Variants in TPCN1 observed in about 807,000 individuals in gnomAD.
The protein encoded by TPCN1 is two pore segment channel 1.
A neutral mutation model predicts 108.8 loss-of-function variants in TPCN1; 52 were observed. The observed-to-expected ratio is 0.48, with a 90% CI of 0.38 to 0.60. The LOEUF is 0.60. Among genes scored for constraint, TPCN1 ranks in the 20% least tolerant of loss-of-function variants. TPCN1 has a pLI of 0.00. For synonymous variants in TPCN1, 446 were observed against 433.7 expected (o/e 1.03, Z -0.35); for missense variants, 806 against 1,072.8 (o/e 0.75, Z 3.47).
intron 19 of TPCN1, chr12:113,287,334 C>T (rs1566199698): frequency 9.5e-6 from 5 of 525,556 alleles, no homozygotes; most frequent in South Asian, 7.8e-5. Flanking sequence ...GCCCATGACT[C>T]ATGTGCACCC....
chr12:113,293,415 T>A, intron 27 of TPCN1, 66 bp downstream of exon 27: 5 of 1,457,656 alleles, frequency 3.4e-6, no homozygotes, highest in Non-Finnish European at 3.8e-6. Flanking sequence ...GGCAGGGAGC[T>A]GCTCTCTGGC....
intron 2 of TPCN1, among the ~76,000 whole-genome samples, chr12:113,233,202 C>G (rs943054788): frequency 2.5e-4 from 38 of 152,372 alleles, no homozygotes; most frequent in Middle Eastern, 3.4e-3. Flanking sequence ...CTCTTCCCGT[C>G]CCCCTTTCCC....
At chr12:113,283,024 T>C (rs1955943276) in intron 15 of TPCN1, among the ~76,000 whole-genome samples, 1 of 150,996 alleles carries the variant, frequency 6.6e-6, no homozygotes, top group Admixed American at 6.6e-5. Flanking sequence ...TTGCAGTGAG[T>C]TGTGATGGTG....
intron 2 of TPCN1, among the ~76,000 whole-genome samples, chr12:113,237,229 G>T (rs867048234): frequency 2.6e-5 from 4 of 152,326 alleles, no homozygotes; most frequent in South Asian, 2.1e-4. Context: ...TGGATGGAGA[G>T]GAAACTGCCA....
Position 113,296,134 on chromosome 12 carries a change from G to A in TPCN1, c.*58G>A, listed in dbSNP as rs1258158032. The A allele has an allele frequency of 6.9e-6, 11 of 1,590,170 alleles. No homozygotes were observed. Among genetic ancestry groups the A allele is most frequent in the East Asian group, 2.3e-5 (1 of 44,358 alleles). On this transcript the variant is annotated 3_prime_UTR_variant, in exon 28 of 28. Coordinates refer to ENST00000335509, the MANE Select transcript of TPCN1 (RefSeq NM_017901.6). Reference sequence around the variant, plus strand: ...TAACACAATAGTATTACTCTACTGCGATGTACGGAACTGCGGTGTGTGTAC... The same window carrying A: ...TAACACAATAGTATTACTCTACTGCAATGTACGGAACTGCGGTGTGTGTAC...
chr12:113,262,318 AG>A (rs1432397148), intron 3 of TPCN1, among the ~76,000 whole-genome samples: 2 of 151,724 alleles, frequency 1.3e-5, no homozygotes, highest in Non-Finnish European at 2.9e-5. Flanking sequence ...ACTGAGGTGA[AG>A]GGATCGCCTG....
At position 113,268,434 on chromosome 12, in the gene TPCN1, C is replaced by T. The variant is rs181401220; in HGVS notation, c.529-308C>T. Among the ~76,000 whole-genome samples the T allele has an allele frequency of 1.3e-5, 2 of 152,306 alleles. No individual in the cohort carries two copies. Among genetic ancestry groups the T allele is most frequent in the East Asian group, 1.9e-4 (1 of 5,186 alleles). Reference sequence around the variant, plus strand: ...AGAGCTGAAGAGGAGCTGCAGGCCCCGGGATCCCTGATGTGAGTGGCGAGG... The same window carrying T: ...AGAGCTGAAGAGGAGCTGCAGGCCCTGGGATCCCTGATGTGAGTGGCGAGG... On this transcript the variant is annotated intron_variant, in intron 5 of 27. Transcript: ENST00000335509. This position sits in a 1 kb window ranked among gnomAD's most constrained non-coding sequence, Gnocchi z 7.3.
At chr12:113,274,297 A>G (rs1196377999) in intron 10 of TPCN1, among the ~76,000 whole-genome samples, 1 of 152,056 alleles carries the variant, frequency 6.6e-6, no homozygotes, top group Admixed American at 6.6e-5. Flanking sequence ...TACTTATGAA[A>G]ATTAGCTGGG....
intron 1 of TPCN1, among the ~76,000 whole-genome samples, chr12:113,226,121 A>G (rs1485242721): frequency 2.0e-5 from 3 of 148,396 alleles, no homozygotes; most frequent in South Asian, 2.1e-4. Context: ...AGGTCTTGCT[A>G]TATTGCCCAG....
intron 2 of TPCN1, chr12:113,244,147 C>T (rs115269641): frequency 0.013 from 3,233 of 253,980 alleles, 111 homozygotes; most frequent in African/African-American, 0.071. Flanking sequence ...TTCAGGTGGC[C>T]GGAAACAGAG....
In TPCN1 at chr12:113,260,396, C is replaced by T. The variant is rs202039431; in HGVS notation, c.141C>T (p.Ser47=). The change falls in exon 3 of 28, where the codon TCC becomes TCT. Residue 47 remains serine, a synonymous_variant. Transcript: ENST00000335509. ...KNGGSYAIHD[S]QAPSLSSGGE... is the part of the protein sequence containing the mutation. The stretch of plus-strand genomic sequence containing the variant: ...GCGGCAGCTATGCCATCCACGACTC[C>T]CAGGCCCCCAGTCTCAGCTCTGGGG... 4.6e-6 allele frequency: 7 copies of T among 1,512,522 alleles called. No individual in the cohort carries two copies. In the African/African-American group the frequency reaches 7.3e-5, roughly 16 times the overall value. 93.7% of individuals were successfully genotyped at this position (1,512,522 alleles called of 1,614,324 possible).
In TPCN1 at chr12:113,273,724, C is replaced by T; in HGVS notation, c.942+56C>T. On this transcript the variant is annotated intron_variant, in intron 10 of 27. Transcript: ENST00000335509. This position sits in a 1 kb window ranked among gnomAD's most constrained non-coding sequence, Gnocchi z 4.0. ...GCAGCCTGCCCCTACCCATGCAGCA[C>T]TAGGCACTGTGGGAGTGGAGAAGTG... The T allele has an allele frequency of 4.4e-6, 6 of 1,373,798 alleles. No homozygotes were observed. Among genetic ancestry groups the T allele is most frequent in the African/African-American group, 1.4e-5 (1 of 70,112 alleles). 85.1% of individuals were successfully genotyped at this position (1,373,798 alleles called of 1,614,324 possible).
At chr12:113,263,548 T>C (rs983852147) in intron 3 of TPCN1, among the ~76,000 whole-genome samples, 3 of 152,220 alleles carry the variant, frequency 2.0e-5, no homozygotes, top group Non-Finnish European at 2.9e-5. Context: ...GGCATGAGCC[T>C]CTGTGCCCGG....
At position 113,280,162 on chromosome 12, in the gene TPCN1, C is replaced by A. The variant is rs564101809; in HGVS notation, c.1309C>A (p.Leu437Ile). 8.5e-5 allele frequency: 137 copies of A among 1,607,370 alleles called. 3 individuals are homozygous for A. The South Asian group carries it at 1.5e-3, about 17-fold the overall frequency. ...ALLIFKGINI[L>I]VKSKAFQYFM... The stretch of plus-strand genomic sequence containing the variant: ...TTTTCTTCAAATAGGTATTAATATC[C>A]TTGTGAAGTCCAAGGCCTTCCAGTA... The change falls in exon 15 of 28, where the codon CTT becomes ATT. Residue 437 changes from leucine to isoleucine, a missense_variant. Leu to Ile is a conservative substitution (Grantham distance 5). Coordinates refer to ENST00000335509, the MANE Select transcript of TPCN1 (RefSeq NM_017901.6).
intron 18 of TPCN1, among the ~76,000 whole-genome samples, chr12:113,286,563 A>G (rs1308086472): frequency 1.4e-5 from 2 of 145,778 alleles, no homozygotes; most frequent in East Asian, 2.2e-4. Context: ...TCTCACTGGA[A>G]GGGCCTGCTC....
intron 25 of TPCN1, chr12:113,292,716 C>T: frequency 1.9e-6 from 1 of 515,576 alleles, no homozygotes; most frequent in Non-Finnish European, 3.4e-6. Context: ...ACCCTCTGGC[C>T]CTGTAACAGC....
chr12:113,290,060 T>A, intron 21 of TPCN1, 68 bp from the exon 22 acceptor site: 1 of 1,038,994 alleles, frequency 9.6e-7, no homozygotes, highest in Non-Finnish European at 1.4e-6. Flanking sequence ...GTTTCAGACT[T>A]CTGTCCTCTC....
intron 3 of TPCN1, among the ~76,000 whole-genome samples, chr12:113,264,747 A>C (rs924594968): frequency 2.6e-5 from 4 of 152,208 alleles, no homozygotes; most frequent in Non-Finnish European, 5.9e-5. Context: ...TGTACCCCAT[A>C]TACAATTATT....
Position 113,278,811 on chromosome 12 carries a change from A to G in TPCN1, c.1273A>G (p.Arg425Gly). 6.2e-7 allele frequency: 1 copy of G among 1,614,012 alleles called. No individual in the cohort carries two copies. Among genetic ancestry groups the G allele is most frequent in the Non-Finnish European group, 8.5e-7 (1 of 1,179,908 alleles). Residue 425 changes from arginine to glycine, a missense_variant, in exon 14 of 28, where the codon AGG becomes GGG. Arg to Gly is a moderately radical substitution (Grantham distance 125). Transcript: ENST00000335509. The stretch of plus-strand genomic sequence containing the variant: ...AGAGCACTGGTTTGATGAGCTTCCC[A>G]GGACGGCGCTCCTCATCTTCAAAGG... ...NREHWFDELP[R>G]TALLIFKGIN...
Sources: allele counts gnomAD v4.1 joint callset (sites outside exome capture counted in the v4.1 genomes callset), GRCh38; gene constraint gnomAD v4.1.1; non-coding constraint Gnocchi (gnomAD v3.1); transcripts MANE v1.5; gene names NCBI Gene and HGNC (gene_info 2026-07-23, HGNC 2026-07-21).